The following FAM120C variants were observed in gnomAD, a reference collection of about 807,000 sequenced individuals.
FAM120C encodes family with sequence similarity 120 member C.
In FAM120C, 14 loss-of-function variants were observed where a neutral mutation model predicts 71.2. The ratio of observed to expected loss-of-function variants is 0.20; its 90% CI spans 0.13 to 0.31. The LOEUF (loss-of-function observed/expected upper bound fraction) is 0.31, where lower values mean the gene tolerates loss of function less well. Ranked by LOEUF, FAM120C falls within the 10% of genes least tolerant of loss-of-function variation. The pLI is 1.00. For synonymous variants in FAM120C, 354 were observed against 353.2 expected, an observed-to-expected ratio of 1.00 and a Z score of -0.03; for missense variants, 500 against 879.0, an observed-to-expected ratio of 0.57 and a Z score of 5.45.
intron 5 of FAM120C, 146 bp from the exon 6 acceptor site, chrX:54,135,750 C>T: frequency 2.3e-6 from 1 of 439,142 alleles, no homozygotes; most frequent in Non-Finnish European, 3.9e-6. Flanking sequence ...TGCTGAGAAC[C>T]TTACATAAAT....
chrX:54,129,202 G>C (rs1440765014), intron 9 of FAM120C, among the ~76,000 whole-genome samples: 18 of 108,577 alleles, frequency 1.7e-4, no homozygotes, highest in African/African-American at 6.0e-4. Context: ...CTGCCGGGTG[G>C]AGACGCTCCT....
At chrX:54,143,270 C>A (rs1198691900) in intron 4 of FAM120C, among the ~76,000 whole-genome samples, 1 of 109,924 alleles carries the variant, frequency 9.1e-6, no homozygotes, top group Admixed American at 9.8e-5. Flanking sequence ...GAAGCAAGAG[C>A]AAACACATTC....
chrX:54,150,597 C>A (rs1415660612), intron 4 of FAM120C, among the ~76,000 whole-genome samples: 1 of 111,611 alleles, frequency 9.0e-6, no homozygotes, highest in Non-Finnish European at 1.9e-5. Flanking sequence ...GCTGGTATTA[C>A]AGGTGTGAGC....
intron 4 of FAM120C, among the ~76,000 whole-genome samples, chrX:54,149,225 A>G (rs1160620957): frequency 8.9e-6 from 1 of 112,649 alleles, no homozygotes; most frequent in Non-Finnish European, 1.9e-5. Context: ...AAACTGGCAT[A>G]TCCATGCAAT....
intron 9 of FAM120C, 76 bp from the exon 10 acceptor site, chrX:54,116,870 A>G: frequency 9.2e-7 from 1 of 1,088,223 alleles, no homozygotes. Context: ...CAGGACATTG[A>G]CAGGCTCCAT....
intron 1 of FAM120C, among the ~76,000 whole-genome samples, chrX:54,164,297 T>C (rs2067249456): frequency 8.9e-6 from 1 of 112,400 alleles, no homozygotes; most frequent in African/African-American, 3.2e-5. Flanking sequence ...AACTTGACTA[T>C]TTTTAAGTGT....
chrX:54,160,205 C>T (rs782459095), intron 1 of FAM120C, among the ~76,000 whole-genome samples: 1 of 111,588 alleles, frequency 9.0e-6, no homozygotes, highest in East Asian at 2.8e-4. Context: ...TAGGTAGGTA[C>T]ATATGGATGA....
intron 10 of FAM120C, among the ~76,000 whole-genome samples, chrX:54,093,913 C>G (rs2066836124): frequency 9.0e-6 from 1 of 110,793 alleles, no homozygotes; most frequent in South Asian, 3.8e-4. Flanking sequence ...ATATTACATA[C>G]AAGCTTTAAT....
intron 7 of FAM120C, among the ~76,000 whole-genome samples, chrX:54,134,478 C>T (rs1557130050): frequency 1.8e-5 from 2 of 111,791 alleles, no homozygotes; most frequent in African/African-American, 3.2e-5. Flanking sequence ...GCTTACTCAA[C>T]GATTCCACTA....
intron 1 of FAM120C, among the ~76,000 whole-genome samples, chrX:54,164,036 G>A (rs1380889903): frequency 9.2e-6 from 1 of 109,285 alleles, no homozygotes; most frequent in African/African-American, 3.3e-5. Flanking sequence ...AGGTTTAAGC[G>A]ATCCTCCTGC....
chrX:54,138,032 T>C (rs2067102800), intron 4 of FAM120C, among the ~76,000 whole-genome samples: 1 of 112,029 alleles, frequency 8.9e-6, no homozygotes, highest in South Asian at 3.7e-4. Flanking sequence ...ACTTTATTCA[T>C]AATAGCCCCA....
At chrX:54,104,306 T>C (rs782356872) in intron 10 of FAM120C, among the ~76,000 whole-genome samples, 1 of 111,599 alleles carries the variant, frequency 9.0e-6, no homozygotes, top group Non-Finnish European at 1.9e-5. Flanking sequence ...AGGAATCTTT[T>C]ACCTACAGTT....
chrX:54,088,215 A>G (rs2066804269), intron 11 of FAM120C, among the ~76,000 whole-genome samples: 1 of 111,483 alleles, frequency 9.0e-6, no homozygotes, highest in Admixed American at 9.7e-5. Flanking sequence ...AAAAATTTAG[A>G]AAGTAAAGGC....
At chrX:54,086,754 C>CAA (rs60485302) in intron 12 of FAM120C, among the ~76,000 whole-genome samples, 1,737 of 57,644 alleles carry the variant, frequency 0.03, 76 homozygotes, top group African/African-American at 0.036. Flanking sequence ...GAATCTGTCT[C>CAA]AAAAAAAAAA....
At chrX:54,092,661 C>T (rs1429450654) in intron 10 of FAM120C, among the ~76,000 whole-genome samples, 2 of 111,198 alleles carry the variant, frequency 1.8e-5, no homozygotes, top group African/African-American at 6.5e-5. Context: ...GAATTTGGAT[C>T]GTCATCCTGA....
chrX:54,129,958 G>A (rs2067055742), intron 9 of FAM120C, among the ~76,000 whole-genome samples: 2 of 108,202 alleles, frequency 1.8e-5, no homozygotes, highest in Non-Finnish European at 3.8e-5. Flanking sequence ...GCAGTGAGCC[G>A]AGATGGCAAC....
At chrX:54,159,000 A>C (rs1557134040) in intron 2 of FAM120C, among the ~76,000 whole-genome samples, 1 of 112,035 alleles carries the variant, frequency 8.9e-6, no homozygotes, top group African/African-American at 3.2e-5. Flanking sequence ...TTCCGATCTA[A>C]ATTGAGACAC....
chrX:54,137,793 A>G (rs2067102145), intron 4 of FAM120C, among the ~76,000 whole-genome samples: 1 of 112,029 alleles, frequency 8.9e-6, no homozygotes, highest in African/African-American at 3.2e-5. Context: ...AAAGACTATC[A>G]ATATCAAGCA....
At chrX:54,160,390 C>T (rs978411392) in intron 1 of FAM120C, among the ~76,000 whole-genome samples, 4 of 111,174 alleles carry the variant, frequency 3.6e-5, no homozygotes, top group African/African-American at 1.3e-4. Context: ...ACTAAGGCTA[C>T]GAGAGATTGG....
Sources: gnomAD v4.1 joint callset for allele counts (sites outside exome capture counted in the v4.1 genomes callset) on GRCh38, gnomAD v4.1.1 for gene constraint, MANE v1.5 for transcripts, NCBI Gene and HGNC (gene_info 2026-07-23, HGNC 2026-07-21) for gene names.